Variants in ATP2B2 observed in about 807,000 individuals in gnomAD.
ATP2B2 encodes plasma membrane calcium-transporting ATPase 2.
A neutral mutation model predicts 120.0 loss-of-function variants in ATP2B2; 15 were observed. The ratio of observed to expected loss-of-function variants is 0.12; its 90% CI spans 0.08 to 0.19. The LOEUF is 0.19. ATP2B2 is among the 10% of genes least tolerant of loss of function. ATP2B2 has a pLI of 1.00. For missense variants in ATP2B2, 1,045 were observed against 1,719.8 expected (o/e 0.61, Z 6.94); for synonymous variants, 694 against 700.3 (o/e 0.99, Z 0.14).
At chr3:10,412,692 C>A (rs187280121) in intron 2 of ATP2B2, among the ~76,000 whole-genome samples, 7 of 152,242 alleles carry the variant, frequency 4.6e-5, no homozygotes, top group Admixed American at 3.3e-4. Flanking sequence ...GGGCCGTGGA[C>A]CTTGGGGACA....
chr3:10,580,417 C>T (rs1380328285), intron 2 of ATP2B2, among the ~76,000 whole-genome samples: 1 of 152,132 alleles, frequency 6.6e-6, no homozygotes, highest in Non-Finnish European at 1.5e-5. Flanking sequence ...CAGTGTGTGG[C>T]ATAGAGCAGG....
At chr3:10,659,986 C>T (rs1172809472) in intron 1 of ATP2B2, among the ~76,000 whole-genome samples, 2 of 152,182 alleles carry the variant, frequency 1.3e-5, no homozygotes, top group African/African-American at 4.8e-5. Context: ...ACAACCTGCT[C>T]CTGAATGACT....
intron 3 of ATP2B2, among the ~76,000 whole-genome samples, chr3:10,403,763 G>T (rs1159887801): frequency 1.3e-5 from 2 of 152,220 alleles, no homozygotes; most frequent in Non-Finnish European, 2.9e-5. Context: ...CCTCAAGCTG[G>T]CTGAGAGAAG....
chr3:10,355,112 C>T (rs78594568), intron 14 of ATP2B2, among the ~76,000 whole-genome samples: 1 of 152,156 alleles, frequency 6.6e-6, no homozygotes, highest in African/African-American at 2.4e-5. Context: ...CATACCCACC[C>T]GTCTCCTTGG....
At chr3:10,370,312 C>T (rs182426853) in intron 12 of ATP2B2, among the ~76,000 whole-genome samples, 1 of 152,360 alleles carries the variant, frequency 6.6e-6, no homozygotes, top group East Asian at 1.9e-4. Context: ...CTGGGAATCG[C>T]CCTGTTCCCC....
chr3:10,337,440 C>A (rs1164530775), intron 22 of ATP2B2, among the ~76,000 whole-genome samples: 1 of 152,134 alleles, frequency 6.6e-6, no homozygotes, highest in Non-Finnish European at 1.5e-5. Flanking sequence ...TGTGACAGCA[C>A]TTGTGAGCTA....
intron 1 of ATP2B2, among the ~76,000 whole-genome samples, chr3:10,484,874 G>A (rs913035744): frequency 2.8e-4 from 42 of 152,368 alleles, no homozygotes; most frequent in Admixed American, 1.4e-3. Context: ...TCACGTCTGC[G>A]CAGATTCCTT....
intron 1 of ATP2B2, among the ~76,000 whole-genome samples, chr3:10,666,210 C>T (rs375061026): frequency 1.4e-3 from 211 of 152,242 alleles, no homozygotes; most frequent in African/African-American, 4.7e-3. Flanking sequence ...TCTCCCCTGG[C>T]CCTACAGCTC....
rs2069984997 is a variant in ATP2B2, at chr3:10,635,107, G to GGAGACAA, written c.-459-15153_-459-15147dup. ...GAATGGTATCACTGGCCTCTCTGTGGGAGACAATACGGAGCAGGAGGTACT... is the reference window on the plus strand; with the variant it reads ...GAATGGTATCACTGGCCTCTCTGTGGGAGACAAGAGACAATACGGAGCAGGAGGTACT... On this transcript the variant is annotated intron_variant, in intron 1 of 21. Transcript: ENST00000646379. The surrounding 1 kb of genome is among the most constrained non-coding windows in gnomAD (Gnocchi z 4.3). 6.6e-6 allele frequency among the ~76,000 whole-genome samples: 1 copy of GGAGACAA among 152,058 alleles called. No homozygotes were observed. Among genetic ancestry groups the GGAGACAA allele is most frequent in the East Asian group, 1.9e-4 (1 of 5,172 alleles).
intron 2 of ATP2B2, among the ~76,000 whole-genome samples, chr3:10,613,891 C>T (rs774275376): frequency 1.3e-5 from 2 of 152,090 alleles, no homozygotes; most frequent in Non-Finnish European, 2.9e-5. Context: ...TTCTCCCTCC[C>T]CTGTGCTGTC....
At chr3:10,524,507 A>T (rs1206506926) in intron 3 of ATP2B2, among the ~76,000 whole-genome samples, 1 of 152,152 alleles carries the variant, frequency 6.6e-6, no homozygotes, top group Non-Finnish European at 1.5e-5. Context: ...CTGCCTCCAG[A>T]TCTGTGCTCT....
chr3:10,398,107 C>T (rs1432025196), intron 5 of ATP2B2, among the ~76,000 whole-genome samples: 2 of 152,308 alleles, frequency 1.3e-5, no homozygotes, highest in East Asian at 3.9e-4. Flanking sequence ...CTGACACTTG[C>T]TTTCTTTTTG....
intron 1 of ATP2B2, among the ~76,000 whole-genome samples, chr3:10,461,032 T>C (rs1032439046): frequency 6.6e-6 from 1 of 152,194 alleles, no homozygotes; most frequent in African/African-American, 2.4e-5. Context: ...GAGGAAAGTC[T>C]TTCTATGTGT....
intron 3 of ATP2B2, among the ~76,000 whole-genome samples, chr3:10,530,213 C>CAA (rs2067182598): frequency 6.6e-6 from 1 of 152,192 alleles, no homozygotes; most frequent in African/African-American, 2.4e-5. Flanking sequence ...CGGGGACCAC[C>CAA]AAAAGAACAA....
At chr3:10,612,835 A>G (rs2069279396) in intron 2 of ATP2B2, among the ~76,000 whole-genome samples, 1 of 152,228 alleles carries the variant, frequency 6.6e-6, no homozygotes, top group Non-Finnish European at 1.5e-5. Flanking sequence ...GTTGTATAAT[A>G]AAACTTTGAC....
chr3:10,421,560 A>AGAGGAGATGAGGCAGTGTGGGGC (rs1161165741), intron 2 of ATP2B2, among the ~76,000 whole-genome samples: 3 of 152,312 alleles, frequency 2.0e-5, no homozygotes, highest in Admixed American at 2.0e-4. Flanking sequence ...GGAGACTGGA[A>AGAGGAGATGAGGCAGTGTGGGGC]GAGGAGATGA....
At chr3:10,689,664 C>G (rs932986372) in intron 1 of ATP2B2, among the ~76,000 whole-genome samples, 3 of 152,190 alleles carry the variant, frequency 2.0e-5, no homozygotes, top group Non-Finnish European at 4.4e-5. Context: ...CTCTCACCAT[C>G]CTCCTCATCC....
chr3:10,662,325 T>G (rs577951258), intron 1 of ATP2B2, among the ~76,000 whole-genome samples: 2 of 151,488 alleles, frequency 1.3e-5, no homozygotes, highest in Admixed American at 6.6e-5. Flanking sequence ...TGGGAAAAAA[T>G]TTTTGCAACC....
intron 2 of ATP2B2, among the ~76,000 whole-genome samples, chr3:10,613,504 T>C (rs1226972570): frequency 6.6e-6 from 1 of 152,096 alleles, no homozygotes; most frequent in African/African-American, 2.4e-5. Flanking sequence ...GCATTAGCTC[T>C]GGGTGATTAG....
Sources: gnomAD v4.1 joint callset for allele counts (sites outside exome capture counted in the v4.1 genomes callset) on GRCh38, gnomAD v4.1.1 for gene constraint, Gnocchi (gnomAD v3.1) non-coding constraint, MANE v1.5 for transcripts, NCBI Gene and HGNC (gene_info 2026-07-23, HGNC 2026-07-21) for gene names.